L3MBTL4: variants seen among roughly 807,000 people sequenced by gnomAD.
L3MBTL4 encodes the protein lethal(3)malignant brain tumor-like protein 4.
L3MBTL4 carries 70 observed loss-of-function variants against 84.5 expected under a neutral mutation model. The ratio of observed to expected loss-of-function variants is 0.83; its 90% CI spans 0.68 to 1.01. The LOEUF (loss-of-function observed/expected upper bound fraction) is 1.01, where lower values mean the gene tolerates loss of function less well. Among genes scored for constraint, L3MBTL4 ranks in the 50% least tolerant of loss-of-function variants. L3MBTL4 has a pLI of 0.00. For missense variants in L3MBTL4, 715 were observed against 754.8 expected, an observed-to-expected ratio of 0.95 and a Z score of 0.62; for synonymous variants, 274 against 259.8, an observed-to-expected ratio of 1.05 and a Z score of -0.52.
At chr18:6,153,478 G>T (rs1031142099) in intron 13 of L3MBTL4, among the ~76,000 whole-genome samples, 3 of 152,006 alleles carry the variant, frequency 2.0e-5, no homozygotes, top group African/African-American at 7.2e-5. Flanking sequence ...TGATGCTATT[G>T]TAAATGGAAT....
chr18:6,232,119 C>T lies in L3MBTL4; in HGVS notation c.784+5845G>A, dbSNP rs2047022739. ...AAAGGGTGTTGAATCTTGTCAAATG[C>T]TTTTCTGCCTTAATTGCAATAGCAT... On this transcript the variant is annotated intron_variant, in intron 10 of 18. Coordinates refer to ENST00000317931, the MANE Select transcript of L3MBTL4 (RefSeq NM_001330559.2). Among the ~76,000 whole-genome samples the T allele has an allele frequency of 1.3e-5, 2 of 152,064 alleles. 1 individual carries two copies. The highest frequency in any genetic ancestry group is 4.2e-4 in the South Asian group (2 of 4,818).
At chr18:6,020,087 G>A (rs956991629) in intron 16 of L3MBTL4, among the ~76,000 whole-genome samples, 22 of 152,250 alleles carry the variant, frequency 1.4e-4, no homozygotes, top group Middle Eastern at 3.4e-3. Context: ...TTCTACAGGA[G>A]AGACAGTTAA....
intron 6 of L3MBTL4, 33 bp downstream of exon 6, chr18:6,244,451 C>A (rs1373010284): frequency 7.8e-7 from 1 of 1,288,756 alleles, no homozygotes; most frequent in East Asian, 2.4e-5. Flanking sequence ...TGTCACTAGG[C>A]AATTAGCCCA....
intron 16 of L3MBTL4, among the ~76,000 whole-genome samples, chr18:6,071,690 AAAGAAAG>A (rs1234452580): frequency 1.0e-5 from 1 of 99,384 alleles, no homozygotes; most frequent in Non-Finnish European, 1.8e-5. Flanking sequence ...AGAGAGAAAG[AAAGAAAG>A]AAAGAAAGAA....
intron 4 of L3MBTL4, among the ~76,000 whole-genome samples, chr18:6,277,193 C>T (rs573120376): frequency 6.6e-6 from 1 of 150,590 alleles, no homozygotes; most frequent in Non-Finnish European, 1.5e-5. Context: ...TGCTAGATGA[C>T]GAGTTAGTGG....
chr18:6,188,648 G>A (rs551507906), intron 12 of L3MBTL4, among the ~76,000 whole-genome samples: 2 of 152,316 alleles, frequency 1.3e-5, no homozygotes, highest in African/African-American at 4.8e-5. Flanking sequence ...GACACAGGGG[G>A]ATGGACTTTG....
intron 15 of L3MBTL4, among the ~76,000 whole-genome samples, chr18:6,089,080 G>A (rs1174436423): frequency 6.6e-6 from 1 of 151,928 alleles, no homozygotes; most frequent in Non-Finnish European, 1.5e-5. Flanking sequence ...GGGAGGCAAA[G>A]GAAGTTATTA....
intron 16 of L3MBTL4, among the ~76,000 whole-genome samples, chr18:6,064,339 A>G (rs2057331517): frequency 6.6e-6 from 1 of 151,968 alleles, no homozygotes; most frequent in African/African-American, 2.4e-5. Flanking sequence ...TTGGCTATGC[A>G]GGCTCTCTTT....
intron 12 of L3MBTL4, among the ~76,000 whole-genome samples, chr18:6,184,247 G>A (rs966548751): frequency 2.6e-5 from 4 of 152,070 alleles, no homozygotes; most frequent in Non-Finnish European, 5.9e-5. Context: ...GTTCACTTCC[G>A]ATCATTTAGA....
At position 5,969,440 on chromosome 18, in the gene L3MBTL4, C is replaced by T. The variant is rs201350966; in HGVS notation, c.1567G>A (p.Val523Met). The T allele has an allele frequency of 7.4e-6, 12 of 1,613,768 alleles. No individual in the cohort carries two copies. The highest frequency in any genetic ancestry group is 2.2e-5 in the East Asian group (1 of 44,858). ...ACTTGGCTGGCCCGGATGTCAGCCA[C>T]GCCTGGAAGCAACTTGCAGTGTTGC... ...REQHCKLLPGVADIRASQVAR... is the reference protein window; with the variant it reads ...REQHCKLLPGMADIRASQVAR... Residue 523 changes from valine (V) to methionine (M), a missense_variant, in exon 17 of 19, where the codon GTG becomes ATG. Transcript: ENST00000317931.
At chr18:6,127,573 C>T (rs985176755) in intron 14 of L3MBTL4, among the ~76,000 whole-genome samples, 6 of 152,082 alleles carry the variant, frequency 3.9e-5, no homozygotes, top group South Asian at 4.1e-4. Flanking sequence ...TTTGTCCTTG[C>T]GAATAAATCC....
At chr18:5,960,047 T>TATATAC in intron 18 of L3MBTL4, 47 bp downstream of exon 18, 1 of 204,130 alleles carries the variant, frequency 4.9e-6, no homozygotes, top group Non-Finnish European at 6.8e-6. Flanking sequence ...TACACACACA[T>TATATAC]ATATATATAT....
rs146342749 is a variant in L3MBTL4 at position 6,370,325 on chromosome 18, T to C, written c.-91+44476A>G. ...TAAACATAGCAGATTGGCTATAATG[T>C]CCTCATGCAAAGGGAAAAATTACAT... On this transcript the variant is annotated intron_variant, in intron 1 of 18. Transcript: ENST00000317931. Among the ~76,000 whole-genome samples the C allele has an allele frequency of 6.6e-5, 10 of 152,256 alleles. No homozygotes were observed. The East Asian group carries it at 1.7e-3, about 26-fold the overall frequency.
At chr18:6,046,787 T>C (rs1181482429) in intron 16 of L3MBTL4, 4 of 765,448 alleles carry the variant, frequency 5.2e-6, no homozygotes, top group Non-Finnish European at 9.7e-6. Flanking sequence ...CATAAACACT[T>C]ACCTCAAAAA....
At chr18:6,174,161 C>T (rs1380677505) in intron 12 of L3MBTL4, among the ~76,000 whole-genome samples, 1 of 148,140 alleles carries the variant, frequency 6.8e-6, no homozygotes, top group South Asian at 2.2e-4. Context: ...AAAAAAAAAA[C>T]TCCCACTATA....
intron 14 of L3MBTL4, among the ~76,000 whole-genome samples, chr18:6,130,441 C>T (rs1023217511): frequency 6.6e-6 from 1 of 152,048 alleles, no homozygotes; most frequent in African/African-American, 2.4e-5. Flanking sequence ...ATCTGATACC[C>T]GCCCCCCCAA....
chr18:6,204,004 C>T (rs369350041), intron 12 of L3MBTL4, among the ~76,000 whole-genome samples: 2 of 152,172 alleles, frequency 1.3e-5, no homozygotes, highest in African/African-American at 4.8e-5. Context: ...CAGCCTGCCT[C>T]ATGTCACCAC....
intron 1 of L3MBTL4, among the ~76,000 whole-genome samples, chr18:6,381,590 A>C (rs2054597429): frequency 6.6e-6 from 1 of 152,188 alleles, no homozygotes; most frequent in Admixed American, 6.5e-5. Flanking sequence ...TGCACTTATG[A>C]AGCTTAGTTA....
intron 1 of L3MBTL4, among the ~76,000 whole-genome samples, chr18:6,377,316 T>A (rs2054408301): frequency 6.6e-6 from 1 of 152,196 alleles, no homozygotes; most frequent in Non-Finnish European, 1.5e-5. Context: ...CCTGAGTTGG[T>A]TTTTTTAATT....
Sources: gnomAD v4.1 joint callset for allele counts (sites outside exome capture counted in the v4.1 genomes callset) on GRCh38, gnomAD v4.1.1 for gene constraint, MANE v1.5 for transcripts, NCBI Gene and HGNC (gene_info 2026-07-23, HGNC 2026-07-21) for gene names.